The following GRID2 variants were observed in gnomAD, a reference collection of about 807,000 sequenced individuals.
GRID2 encodes the protein glutamate ionotropic receptor delta type subunit 2.
GRID2 carries 33 observed loss-of-function variants against 114.8 expected under a neutral mutation model. The observed-to-expected ratio is 0.29, with a 90% CI of 0.22 to 0.38. The LOEUF (loss-of-function observed/expected upper bound fraction) is 0.38. GRID2 is among the 10% of genes least tolerant of loss of function. The pLI, the probability that GRID2 is intolerant of heterozygous loss-of-function variation, is 1.00. For missense variants in GRID2, 1,184 were observed against 1,257.7 expected (o/e 0.94, Z 0.89); for synonymous variants, 505 against 449.9 (o/e 1.12, Z -1.55).
chr4:92,930,579 T>A (rs990948229), intron 2 of GRID2, among the ~76,000 whole-genome samples: 1 of 104,332 alleles, frequency 9.6e-6, no homozygotes, highest in Admixed American at 9.8e-5. Flanking sequence ...ACTTTCGGCA[T>A]TTTTTTTTTT....
chr4:92,920,698 A>G (rs747161523), intron 2 of GRID2, among the ~76,000 whole-genome samples: 13 of 152,140 alleles, frequency 8.5e-5, no homozygotes, highest in African/African-American at 1.7e-4. Flanking sequence ...TGGCTTGTAG[A>G]GTTTCTGCGG....
At chr4:92,437,970 A>G (rs1732820733) in intron 1 of GRID2, among the ~76,000 whole-genome samples, 1 of 151,844 alleles carries the variant, frequency 6.6e-6, no homozygotes, top group Non-Finnish European at 1.5e-5. Context: ...AGCCAAGATT[A>G]CATGCATTTT....
chr4:92,637,004 T>C (rs1301524339), intron 2 of GRID2, among the ~76,000 whole-genome samples: 1 of 152,028 alleles, frequency 6.6e-6, no homozygotes, highest in Non-Finnish European at 1.5e-5. Flanking sequence ...ATCAGCCTAA[T>C]ATTTTTTATT....
At chr4:93,289,693 G>C (rs916321135) in intron 8 of GRID2, among the ~76,000 whole-genome samples, 1 of 152,166 alleles carries the variant, frequency 6.6e-6, no homozygotes, top group African/African-American at 2.4e-5. Flanking sequence ...TAGCGACACA[G>C]ACTAAGCAGT....
intron 10 of GRID2, among the ~76,000 whole-genome samples, chr4:93,431,634 T>G (rs1363574677): frequency 2.0e-5 from 3 of 152,038 alleles, no homozygotes; most frequent in African/African-American, 7.2e-5. Flanking sequence ...TGTGAAAAGG[T>G]GAAAATGACA....
chr4:92,563,973 T>C (rs2149184843), intron 1 of GRID2, among the ~76,000 whole-genome samples: 1 of 152,216 alleles, frequency 6.6e-6, no homozygotes, highest in Admixed American at 6.6e-5. Context: ...CTACCTATTC[T>C]TCAAGGTTCT....
At chr4:92,703,224 A>G (rs1734768922) in intron 2 of GRID2, among the ~76,000 whole-genome samples, 1 of 152,198 alleles carries the variant, frequency 6.6e-6, no homozygotes, top group Non-Finnish European at 1.5e-5. Flanking sequence ...CGAGAAAGAC[A>G]TATATCTATT....
At chr4:93,546,777 A>C (rs963237165) in intron 13 of GRID2, among the ~76,000 whole-genome samples, 2 of 152,212 alleles carry the variant, frequency 1.3e-5, no homozygotes, top group Non-Finnish European at 2.9e-5. Flanking sequence ...TTAGAGGACC[A>C]TGTTGAAAAT....
intron 13 of GRID2, among the ~76,000 whole-genome samples, chr4:93,529,035 A>G (rs1731199007): frequency 1.3e-5 from 2 of 152,318 alleles, no homozygotes; most frequent in South Asian, 4.1e-4. Flanking sequence ...CACATCTCTT[A>G]ATTCTGGTCA....
At chr4:92,785,446 T>G (rs969335504) in intron 2 of GRID2, among the ~76,000 whole-genome samples, 3 of 151,506 alleles carry the variant, frequency 2.0e-5, no homozygotes, top group African/African-American at 7.2e-5. Flanking sequence ...TTTTCCAAGA[T>G]ACGTTTTTGA....
intron 13 of GRID2, among the ~76,000 whole-genome samples, chr4:93,621,485 A>G (rs1742213539): frequency 6.6e-6 from 1 of 152,214 alleles, no homozygotes; most frequent in South Asian, 2.1e-4. Context: ...GGAATCCATT[A>G]GTAAATAAAT....
intron 8 of GRID2, among the ~76,000 whole-genome samples, chr4:93,374,988 A>G (rs938067398): frequency 1.3e-5 from 2 of 152,140 alleles, no homozygotes; most frequent in Non-Finnish European, 2.9e-5. Context: ...CCTTGCCCCA[A>G]TACATTAATC....
intron 4 of GRID2, among the ~76,000 whole-genome samples, chr4:93,125,905 C>A (rs1444259151): frequency 1.3e-5 from 2 of 152,146 alleles, no homozygotes; most frequent in African/African-American, 4.8e-5. Flanking sequence ...TGACAGGCAT[C>A]CTTTCTCATG....
At chr4:92,952,774 C>T (rs1752124998) in intron 2 of GRID2, among the ~76,000 whole-genome samples, 2 of 152,158 alleles carry the variant, frequency 1.3e-5, no homozygotes, top group Non-Finnish European at 2.9e-5. Flanking sequence ...TTTCCTAATT[C>T]AGTAAAACCT....
intron 13 of GRID2, among the ~76,000 whole-genome samples, chr4:93,537,952 G>T (rs1384131905): frequency 2.0e-5 from 3 of 151,456 alleles, no homozygotes; most frequent in Admixed American, 2.0e-4. Context: ...ATAATTTCTA[G>T]GTAAGGCTAC....
chr4:93,726,091 T>G (rs1180698755), intron 14 of GRID2, among the ~76,000 whole-genome samples: 2 of 152,118 alleles, frequency 1.3e-5, no homozygotes, highest in African/African-American at 4.8e-5. Context: ...TTGCCTAGGT[T>G]TTCTTCTAGG....
rs543358920 is a variant in GRID2 at position 93,328,533 on chromosome 4, A to G, written c.1246-67074A>G. 1.8e-3 allele frequency among the ~76,000 whole-genome samples: 268 copies of G among 152,296 alleles called. 2 individuals are homozygous for G. Among genetic ancestry groups the G allele is most frequent in the African/African-American group, 6.0e-3 (249 of 41,560 alleles). On this transcript the variant is annotated intron_variant, in intron 8 of 15. Transcript: ENST00000282020. ...AGCTACCTAATATCTTATACATATG[A>G]GTCCTTTATGACATTTATCACAATC...
chr4:92,607,924 A>G (rs1282340624), intron 2 of GRID2, among the ~76,000 whole-genome samples: 13 of 151,930 alleles, frequency 8.6e-5, no homozygotes, highest in Admixed American at 5.9e-4. Context: ...TCTGTGAAGG[A>G]GAAACAAAAT....
chr4:93,165,128 C>CT (rs909429421), intron 4 of GRID2, among the ~76,000 whole-genome samples: 21 of 151,962 alleles, frequency 1.4e-4, no homozygotes, highest in African/African-American at 5.1e-4. Flanking sequence ...AACACAGTGC[C>CT]TAATACTAGC....
Sources: allele counts gnomAD v4.1 joint callset (sites outside exome capture counted in the v4.1 genomes callset), GRCh38; gene constraint gnomAD v4.1.1; transcripts MANE v1.5; gene names NCBI Gene and HGNC (gene_info 2026-07-23, HGNC 2026-07-21).